NFKBIZ: variants seen among roughly 807,000 people sequenced by gnomAD.
NFKBIZ encodes the protein NFKB inhibitor zeta.
A neutral mutation model predicts 76.8 loss-of-function variants in NFKBIZ; 19 were observed. The ratio of observed to expected loss-of-function variants is 0.25; its 90% CI spans 0.17 to 0.36. NFKBIZ has a LOEUF of 0.36. NFKBIZ is among the 10% of genes least tolerant of loss of function. The probability of loss-of-function intolerance (pLI) is 1.00; values close to 1 mark genes in which losing one functional copy is unlikely to be tolerated. For missense variants in NFKBIZ, 829 were observed against 910.9 expected (o/e 0.91, Z 1.16); for synonymous variants, 368 against 354.8 (o/e 1.04, Z -0.42).
chr3:101,850,786 CTCATTT>C (rs1324516885), intron 1 of NFKBIZ, among the ~76,000 whole-genome samples: 1 of 152,222 alleles, frequency 6.6e-6, no homozygotes, highest in Non-Finnish European at 1.5e-5. Flanking sequence ...AAAGTGATAT[CTCATTT>C]TCATTTTAAG....
chr3:101,830,655 C>G (rs1200529020), intron 2 of NFKBIZ, among the ~76,000 whole-genome samples: 4 of 152,120 alleles, frequency 2.6e-5, no homozygotes, highest in Admixed American at 2.0e-4. Context: ...GGACATGATT[C>G]TATTCTTTTT....
intron 5 of NFKBIZ, among the ~76,000 whole-genome samples, chr3:101,854,274 T>C (rs1281682637): frequency 6.6e-6 from 1 of 152,160 alleles, no homozygotes; most frequent in African/African-American, 2.4e-5. Flanking sequence ...CTCAGTTCCT[T>C]GACGTGTAAA....
intron 2 of NFKBIZ, among the ~76,000 whole-genome samples, chr3:101,841,443 C>T (rs1476771605): frequency 6.6e-6 from 1 of 152,156 alleles, no homozygotes; most frequent in East Asian, 1.9e-4. Context: ...CAGGTATAAG[C>T]TCCACAAAGA....
intron 1 of NFKBIZ, 46 bp downstream of exon 1, chr3:101,849,963 T>G: frequency 7.4e-7 from 1 of 1,345,106 alleles, no homozygotes. Context: ...CGCGCACGCC[T>G]AGGAGGTTGG....
Position 101,852,305 on chromosome 3 carries a change from A to C in NFKBIZ, c.429+81A>C, listed in dbSNP as rs543236850. The C allele has an allele frequency of 6.7e-6, 10 of 1,485,496 alleles. No homozygotes were observed. In the African/African-American group the frequency reaches 9.8e-5, roughly 15 times the overall value. The allele number at this position is 1,485,496 out of a possible 1,614,324, so 92.0% of individuals were successfully genotyped here. A position where few individuals can be genotyped will look rare whatever the true frequency, so the allele number is the denominator to read the frequency against. On this transcript the variant is annotated intron_variant, in intron 2 of 11. Transcript: ENST00000326172. ...AGGGTTATTATGATGACCTAGGTCC[A>C]GTCATCAAGTAAGTCACTTGAAATT...
chr3:101,859,409 T>TAACTGA lies in NFKBIZ; in HGVS notation c.*38_*39insAACTGA. 6.4e-7 allele frequency: 1 copy of TAACTGA among 1,562,512 alleles called. No homozygotes were observed. Among genetic ancestry groups the TAACTGA allele is most frequent in the Non-Finnish European group, 8.8e-7 (1 of 1,133,024 alleles). ...GGAGCCTGGCTAGCAACACTCACTG[T>TAACTGA]CAGTTAGGCAGTCCTGATGTATCTG... is the stretch of plus-strand genomic sequence containing the variant. On this transcript the variant is annotated 3_prime_UTR_variant, in exon 12 of 12. Transcript: ENST00000326172.
chr3:101,846,072 T>C (rs1309305748), upstream of NFKBIZ, among the ~76,000 whole-genome samples: 1 of 152,234 alleles, frequency 6.6e-6, no homozygotes, highest in East Asian at 1.9e-4. Context: ...TGAGTGTTTT[T>C]GAGGGTTCTG....
upstream of NFKBIZ, chr3:101,849,464 C>G (rs985352841): frequency 2.5e-5 from 13 of 530,062 alleles, no homozygotes; most frequent in Non-Finnish European, 3.4e-5. Flanking sequence ...CCGGGGAGGT[C>G]GGCGAGCGCT....
chr3:101,836,493 C>G (rs1386978549), intron 2 of NFKBIZ, among the ~76,000 whole-genome samples: 2 of 152,196 alleles, frequency 1.3e-5, no homozygotes, highest in Non-Finnish European at 2.9e-5. Flanking sequence ...AGAATGTAAG[C>G]TCTGTAAGGG....
At chr3:101,857,631 A>C in intron 11 of NFKBIZ, 172 bp downstream of exon 11, 1 of 985,432 alleles carries the variant, frequency 1.0e-6, no homozygotes, top group Non-Finnish European at 1.2e-6. Context: ...TCGTTTGGAA[A>C]CAGCAATTAA....
chr3:101,833,161 G>T (rs1942671045), intron 2 of NFKBIZ, among the ~76,000 whole-genome samples: 1 of 152,218 alleles, frequency 6.6e-6, no homozygotes, highest in Non-Finnish European at 1.5e-5. Flanking sequence ...ATGTGGGTCA[G>T]ATCTTTTTGG....
At chr3:101,858,081 A>C in intron 11 of NFKBIZ, 1 of 947,388 alleles carries the variant, frequency 1.1e-6, no homozygotes, top group Non-Finnish European at 1.3e-6. Flanking sequence ...TTTAGATAAC[A>C]AGAACTTATT....
In NFKBIZ at chr3:101,853,133, G is replaced by A. The variant is rs781681852; in HGVS notation, c.607G>A (p.Val203Ile). 2 of 1,614,166 alleles carry A rather than the reference G, an allele frequency of 1.2e-6. No homozygotes were observed. The highest frequency in any genetic ancestry group is 1.7e-6 in the Non-Finnish European group (2 of 1,180,030). ...AACGCCCGGGGAGAGCATGGAAGATGTTCATCTCAATGAACCCAAACAGGA... is the reference window on the plus strand; with the variant it reads ...AACGCCCGGGGAGAGCATGGAAGATATTCATCTCAATGAACCCAAACAGGA... ...TPTPGESMEDVHLNEPKQESS... is the reference protein window; with the variant it reads ...TPTPGESMEDIHLNEPKQESS... The change falls in exon 5 of 12, where the codon GTT becomes ATT. Residue 203 changes from valine to isoleucine, a missense_variant. Physicochemically the swap from Val to Ile is conservative, Grantham distance 29. Transcript: ENST00000326172.
chr3:101,842,587 CTTTTCTTTTT>C (rs1478544182), intron 2 of NFKBIZ, among the ~76,000 whole-genome samples: 2 of 144,676 alleles, frequency 1.4e-5, no homozygotes, highest in Non-Finnish European at 3.0e-5. Context: ...ATTTTCTTTT[CTTTTCTTTTT>C]TTTTTTTTTT....
chr3:101,857,803 TG>T, intron 11 of NFKBIZ: 1 of 985,210 alleles, frequency 1.0e-6, no homozygotes, highest in Non-Finnish European at 1.2e-6. Context: ...AGTCTTGTAA[TG>T]TATGAGCCTT....
In NFKBIZ at chr3:101,855,896, A is replaced by T; in HGVS notation, c.1818A>T (p.Glu606Asp). The change falls in exon 9 of 12, where the codon GAA (glutamate) becomes GAT (aspartate). Residue 606 changes from glutamate (E) to aspartate (D), a missense_variant. Around this residue, in one of 4 missense-constraint regions of NFKBIZ, gnomAD observed 272 missense variants for 384.2 expected, o/e 0.71. Transcript: ENST00000326172. ...KCLIQMGAAV[E>D]AKDRKSGRTA... The stretch of plus-strand genomic sequence containing the variant: ...TAATTCAAATGGGAGCAGCGGTGGA[A>T]GCGAAGGTAAATTCACAGAAAAGGT... The T allele has an allele frequency of 6.2e-7, 1 of 1,603,828 alleles. No homozygotes were observed. The highest frequency in any genetic ancestry group is 8.5e-7 in the Non-Finnish European group (1 of 1,174,958).
Position 101,849,766 on chromosome 3 carries a change from C to T in NFKBIZ, c.138C>T (p.Gly46=). The change falls in exon 1 of 12, where the codon GGC becomes GGT. Residue 46 remains glycine, a synonymous_variant. Coordinates refer to ENST00000326172, the MANE Select transcript of NFKBIZ (RefSeq NM_031419.4). ...YGASPPAAAP[G]ACDASCSVLG... ...CGTCGCCGCCCGCCGCCGCCCCGGG[C>T]GCCTGCGACGCCAGCTGCTCGGTCT... The T allele has an allele frequency of 6.9e-7, 1 of 1,453,402 alleles. No homozygotes were observed. The highest frequency in any genetic ancestry group is 9.0e-7 in the Non-Finnish European group (1 of 1,108,360). The allele number at this position is 1,453,402 out of a possible 1,614,324, so 90.0% of individuals were successfully genotyped here. A position where few individuals can be genotyped will look rare whatever the true frequency, so the allele number is the denominator to read the frequency against.
chr3:101,835,753 T>TC (rs1942711297), intron 2 of NFKBIZ, among the ~76,000 whole-genome samples: 1 of 152,172 alleles, frequency 6.6e-6, no homozygotes, highest in Non-Finnish European at 1.5e-5. Flanking sequence ...GGTTAGGACT[T>TC]CAACATGTGA....
chr3:101,837,722 C>T (rs187295834), intron 2 of NFKBIZ, among the ~76,000 whole-genome samples: 1 of 152,232 alleles, frequency 6.6e-6, no homozygotes. Flanking sequence ...TTTGGTCCCC[C>T]AGACCCCTTG....
Sources: allele counts gnomAD v4.1 joint callset (sites outside exome capture counted in the v4.1 genomes callset), GRCh38; gene constraint gnomAD v4.1.1; regional missense constraint gnomAD v4.1.1; transcripts MANE v1.5; gene names NCBI Gene and HGNC (gene_info 2026-07-23, HGNC 2026-07-21).